The following GUCY2D variants were observed in gnomAD, a reference collection of about 807,000 sequenced individuals.
The protein encoded by GUCY2D is retinal guanylyl cyclase 1.
Under a neutral mutation model 101.3 loss-of-function variants are expected in GUCY2D, and 70 were observed. The observed-to-expected ratio is 0.69, with a 90% CI of 0.57 to 0.84. GUCY2D has a LOEUF of 0.84. Among genes scored for constraint, GUCY2D ranks in the 40% least tolerant of loss-of-function variants. The pLI, the probability that GUCY2D is intolerant of heterozygous loss-of-function variation, is 0.00. For synonymous variants in GUCY2D, 688 were observed against 670.7 expected, an observed-to-expected ratio of 1.03 and a Z score of -0.40; for missense variants, 1,460 against 1,542.5, an observed-to-expected ratio of 0.95 and a Z score of 0.90.
At chr17:8,005,733 A>G (rs1350195687) in intron 3 of GUCY2D, among the ~76,000 whole-genome samples, 1 of 152,180 alleles carries the variant, frequency 6.6e-6, no homozygotes, top group Non-Finnish European at 1.5e-5. Context: ...GCAAGAAGAA[A>G]GGTTCCTTGA....
intron 19 of GUCY2D, among the ~76,000 whole-genome samples, chr17:8,017,054 A>G (rs1347610051): frequency 6.6e-6 from 1 of 152,120 alleles, no homozygotes; most frequent in Non-Finnish European, 1.5e-5. Flanking sequence ...CCTTTTCCTG[A>G]AAGTTGCTGC....
In GUCY2D at chr17:8,007,040, T is replaced by C. The variant is rs373533477; in HGVS notation, c.1379-20T>C. The C allele has an allele frequency of 6.2e-7, 1 of 1,601,828 alleles. No individual in the cohort carries two copies. The highest frequency in any genetic ancestry group is 2.2e-5 in the East Asian group (1 of 44,806). On this transcript the variant is annotated intron_variant, in intron 4 of 19. Transcript: ENST00000254854. Reference sequence around the variant, plus strand: ...CCCTGGCATCGCTCCTCAGTATACCTCCTGTCACTGTCCCTTCAGGACTGG... The same window carrying C: ...CCCTGGCATCGCTCCTCAGTATACCCCCTGTCACTGTCCCTTCAGGACTGG...
rs751705225 is a variant in GUCY2D, at chr17:8,013,134, G to A, written c.2145G>A (p.Arg715=). Residue 715 remains arginine, a synonymous_variant, in exon 11 of 20, where the codon AGG becomes AGA. Coordinates refer to ENST00000254854, the MANE Select transcript of GUCY2D (RefSeq NM_000180.4). The surrounding 1 kb of genome is among the most constrained non-coding windows in gnomAD (Gnocchi z 5.0). ...DQLWTAPELL[R]DPALERRGTL... ...TGTGGACAGCCCCGGAGCTGCTTAGGGACCCAGCCCTGGAGCGCCGGGGAA... is the reference window on the plus strand; with the variant it reads ...TGTGGACAGCCCCGGAGCTGCTTAGAGACCCAGCCCTGGAGCGCCGGGGAA... 2 of 1,613,642 alleles carry A rather than the reference G, an allele frequency of 1.2e-6. No homozygotes were observed. The highest frequency in any genetic ancestry group is 1.7e-6 in the Non-Finnish European group (2 of 1,179,974).
At chr17:8,004,487 C>G (rs907941498) in intron 3 of GUCY2D, among the ~76,000 whole-genome samples, 2 of 152,282 alleles carry the variant, frequency 1.3e-5, no homozygotes, top group South Asian at 4.1e-4. Flanking sequence ...ACTTGGTGTT[C>G]TTGAAAGCAG....
At chr17:8,008,155 G>A (rs1975781830) in intron 7 of GUCY2D, 123 bp downstream of exon 7, 2 of 720,256 alleles carry the variant, frequency 2.8e-6, no homozygotes, top group Admixed American at 4.0e-5. Context: ...TCCAGGAGAT[G>A]GGGGATGGGA....
At chr17:8,017,840 C>T (rs1457555556) in intron 19 of GUCY2D, among the ~76,000 whole-genome samples, 1 of 152,094 alleles carries the variant, frequency 6.6e-6, no homozygotes, top group East Asian at 1.9e-4. Flanking sequence ...TTACAGGCAC[C>T]CGCCACCACG....
chr17:8,006,410 AAGGGGCGTGGC>A lies in GUCY2D; in HGVS notation c.1077_1087del (p.Gly360SerfsTer83), dbSNP rs1975738288. 1 of 1,602,172 alleles carries A rather than the reference AAGGGGCGTGGC, an allele frequency of 6.2e-7. No homozygotes were observed. Among genetic ancestry groups the A allele is most frequent in the Non-Finnish European group, 8.5e-7 (1 of 1,179,960 alleles). The stretch of plus-strand genomic sequence containing the variant: ...TCTATGACGCGGTCTTCTTGCTGGC[AAGGGGCGTGGC>A]AGAAGCGCGGGCTGCCGCAGGTGGC... On this transcript the variant is annotated frameshift_variant, in exon 4 of 20. Coordinates refer to ENST00000254854, the MANE Select transcript of GUCY2D (RefSeq NM_000180.4). LOFTEE classifies it high-confidence loss of function.
At chr17:8,016,599 C>A in intron 19 of GUCY2D, 45 bp downstream of exon 19, 1 of 993,982 alleles carries the variant, frequency 1.0e-6, no homozygotes, top group Non-Finnish European at 1.5e-6. Context: ...GTCCCCTCTG[C>A]TGCCTGCAGA....
At position 8,006,443 on chromosome 17, in the gene GUCY2D, T is replaced by C; in HGVS notation, c.1107T>C (p.Gly369=). ...RGVAEARAAA[G]GRWVSGAAVA... Reference sequence around the variant, plus strand: ...TGGCAGAAGCGCGGGCTGCCGCAGGTGGCAGATGGGTGTCCGGAGCAGCTG... The same window carrying C: ...TGGCAGAAGCGCGGGCTGCCGCAGGCGGCAGATGGGTGTCCGGAGCAGCTG... The change falls in exon 4 of 20, where the codon GGT becomes GGC. Residue 369 remains glycine (G), a synonymous_variant. Coordinates refer to ENST00000254854, the MANE Select transcript of GUCY2D (RefSeq NM_000180.4). 1 of 1,604,804 alleles carries C rather than the reference T, an allele frequency of 6.2e-7. No homozygotes were observed. The highest frequency in any genetic ancestry group is 8.5e-7 in the Non-Finnish European group (1 of 1,179,970).
chr17:8,016,047 G>A (rs373400629), intron 17 of GUCY2D, 26 bp downstream of exon 17: 17 of 1,567,214 alleles, frequency 1.1e-5, no homozygotes, highest in Non-Finnish European at 1.5e-5. Flanking sequence ...AACCCCTCCC[G>A]GAGGCCCCGC....
At chr17:8,004,387 T>A (rs1975701824) in intron 3 of GUCY2D, among the ~76,000 whole-genome samples, 1 of 152,234 alleles carries the variant, frequency 6.6e-6, no homozygotes. Context: ...CAGTAAACTC[T>A]AATGAACTGT....
rs1975671567 is a variant in GUCY2D, at chr17:8,003,404, C to T, written c.357C>T (p.Ala119=). 7.4e-6 allele frequency: 11 copies of T among 1,494,170 alleles called. No homozygotes were observed. The highest frequency in any genetic ancestry group is 2.2e-5 in the Admixed American group (1 of 46,000). 92.6% of individuals were successfully genotyped at this position (1,494,170 alleles called of 1,614,324 possible). A position where few individuals can be genotyped will look rare whatever the true frequency, so the allele number is the denominator to read the frequency against. The part of the protein sequence containing the change: ...GSLGAVSSAL[A]RVSGLVGPVN... ...TGGGGGCCGTGTCCTCCGCGCTGGC[C>T]CGCGTGTCGGGCCTCGTGGGTCCGG... Residue 119 remains alanine (A), a synonymous_variant, in exon 2 of 20, where the codon GCC becomes GCT. Transcript: ENST00000254854.
chr17:8,016,531 G>T lies in GUCY2D; in HGVS notation c.*1G>T. The T allele has an allele frequency of 6.4e-7, 1 of 1,555,018 alleles. No individual in the cohort carries two copies. ...GGCGCGGCCGGGCCAGTTCTCTTGA[G>T]AAGTGAGGCCCGGCCCCGGACAGGT... On this transcript the variant is annotated 3_prime_UTR_variant, in exon 19 of 20. Coordinates refer to ENST00000254854, the MANE Select transcript of GUCY2D (RefSeq NM_000180.4).
intron 6 of GUCY2D, 114 bp from the exon 7 acceptor site, chr17:8,007,817 C>G: frequency 1.4e-6 from 1 of 730,146 alleles, no homozygotes; most frequent in Middle Eastern, 2.3e-4. Flanking sequence ...CACCTTCCCT[C>G]ATTGAGATTC....
Position 8,003,178 on chromosome 17 carries a change from T to G in GUCY2D, c.131T>G (p.Leu44Arg). The change falls in exon 2 of 20, where the codon CTG becomes CGG. Residue 44 changes from leucine to arginine, a missense_variant. This residue lies in a region of GUCY2D where 1,196 missense variants were observed against 1,229.6 expected (regional missense o/e 0.97). Coordinates refer to ENST00000254854, the MANE Select transcript of GUCY2D (RefSeq NM_000180.4). ...CTCCCGCTCCTGCTGCTCCTGCTTC[T>G]GCTGCAGCCCCCCGCCCTCTCCGCC... ...PRLPLLLLLL[L>R]LQPPALSAVF... 1 of 1,512,944 alleles carries G rather than the reference T, an allele frequency of 6.6e-7. No homozygotes were observed. Among genetic ancestry groups the G allele is most frequent in the South Asian group, 1.2e-5 (1 of 80,884 alleles). The allele number at this position is 1,512,944 out of a possible 1,614,324, so 93.7% of individuals were successfully genotyped here.
chr17:8,003,865 G>A lies in GUCY2D; in HGVS notation c.735G>A (p.Val245=). 1.2e-6 allele frequency: 2 copies of A among 1,612,566 alleles called. No individual in the cohort carries two copies. The highest frequency in any genetic ancestry group is 1.1e-5 in the South Asian group (1 of 91,048). Residue 245 remains valine, a synonymous_variant, in exon 3 of 20, where the codon GTG becomes GTA. Transcript: ENST00000254854. The part of the protein sequence containing the change: ...DGPRVTAVIM[V]MHSVLLGGEE... Reference sequence around the variant, plus strand: ...CTCTGTCCGCAGCAGTGATCATGGTGATGCACTCGGTGCTGCTGGGTGGCG... The same window carrying A: ...CTCTGTCCGCAGCAGTGATCATGGTAATGCACTCGGTGCTGCTGGGTGGCG...
chr17:8,004,351 T>G (rs1975700947), intron 3 of GUCY2D, among the ~76,000 whole-genome samples, 195 bp downstream of exon 3: 1 of 152,188 alleles, frequency 6.6e-6, no homozygotes, highest in Admixed American at 6.5e-5. Flanking sequence ...GAGTAGGCAA[T>G]TCGACCTCTC....
At chr17:8,010,392 C>A (rs1252283880) in intron 8 of GUCY2D, among the ~76,000 whole-genome samples, 1 of 152,168 alleles carries the variant, frequency 6.6e-6, no homozygotes, top group Non-Finnish European at 1.5e-5. Context: ...TGCCATGCAG[C>A]CTGGGCCTGG....
In GUCY2D at chr17:8,015,496, C is replaced by T. The variant is rs1975949609; in HGVS notation, c.2938C>T (p.His980Tyr). 2.5e-6 allele frequency: 4 copies of T among 1,611,270 alleles called. No homozygotes were observed. The highest frequency in any genetic ancestry group is 3.4e-6 in the Non-Finnish European group (4 of 1,179,270). ...TCCCGTGCGCATCCGCATAGGCCTG[C>T]ACTCGGGTAACTCCCGGGTCTTCCC... The part of the protein sequence containing the change: ...EVPVRIRIGL[H>Y]SGPCVAGVVG... The change falls in exon 15 of 20, where the codon CAC (histidine) becomes TAC (tyrosine). Residue 980 changes from histidine to tyrosine, a missense_variant. Transcript: ENST00000254854.
Sources: gnomAD v4.1 joint callset for allele counts (sites outside exome capture counted in the v4.1 genomes callset) on GRCh38, gnomAD v4.1.1 for gene constraint, gnomAD v4.1.1 regional missense constraint, Gnocchi (gnomAD v3.1) non-coding constraint, MANE v1.5 for transcripts, NCBI Gene and HGNC (gene_info 2026-07-23, HGNC 2026-07-21) for gene names.